Variants in AFF1 observed in about 807,000 individuals in gnomAD.
AFF1 encodes ALF transcription elongation factor 1.
In AFF1, 48 loss-of-function variants were observed where a neutral mutation model predicts 121.7. The observed-to-expected ratio is 0.39, with a 90% CI of 0.31 to 0.50. The LOEUF (loss-of-function observed/expected upper bound fraction) is 0.50. AFF1 is among the 20% of genes least tolerant of loss of function. The probability of loss-of-function intolerance (pLI) is 0.76; values close to 1 mark genes in which losing one functional copy is unlikely to be tolerated. For synonymous variants in AFF1, 613 were observed against 563.0 expected, an observed-to-expected ratio of 1.09 and a Z score of -1.26; for missense variants, 1,523 against 1,511.7, an observed-to-expected ratio of 1.01 and a Z score of -0.12.
Position 87,139,973 on chromosome 4 carries a change from AAATGACAT to A in AFF1, c.*4273_*4280del, listed in dbSNP as rs1729593612. On this transcript the variant is annotated 3_prime_UTR_variant, in exon 21 of 21. Transcript: ENST00000395146. ...CTATAAATTTCTTACTGTCAGGAGG[AAATGACAT>A]TATATTCTGTTCCACTGAACGTCAG... is the stretch of plus-strand genomic sequence containing the variant. 1 of 211,738 alleles carries A rather than the reference AAATGACAT, an allele frequency of 4.7e-6. No individual in the cohort carries two copies. The highest frequency in any genetic ancestry group is 5.9e-5 in the Admixed American group (1 of 17,000). The allele number at this position is 211,738 out of a possible 1,614,324, so 13.1% of individuals were successfully genotyped here.
chr4:86,956,867 C>T (rs1428951906), intron 2 of AFF1, among the ~76,000 whole-genome samples: 2 of 152,092 alleles, frequency 1.3e-5, no homozygotes, highest in East Asian at 3.8e-4. Flanking sequence ...GAGCAATGTT[C>T]CACATATGTT....
intron 11 of AFF1, among the ~76,000 whole-genome samples, chr4:87,111,950 A>C (rs764035288): frequency 1.3e-5 from 2 of 152,212 alleles, no homozygotes. Flanking sequence ...TTGGGGGGGA[A>C]ACCAGATGTT....
intron 2 of AFF1, among the ~76,000 whole-genome samples, chr4:87,031,317 C>G (rs1354204743): frequency 6.6e-6 from 1 of 152,226 alleles, no homozygotes; most frequent in East Asian, 1.9e-4. Context: ...ATTCAAGATT[C>G]AGCTCAGATG....
At chr4:87,108,059 C>CTAAA in intron 10 of AFF1, 100 bp from the exon 11 acceptor site, 1 of 1,364,400 alleles carries the variant, frequency 7.3e-7, no homozygotes, top group Non-Finnish European at 1.0e-6. Context: ...TATCTAATAC[C>CTAAA]AAGGCCCGCC....
rs1726973980 is a variant in AFF1 at position 87,115,183 on chromosome 4, C to T, written c.2350C>T (p.Pro784Ser). Residue 784 changes from proline to serine, a missense_variant, in exon 12 of 21, where the codon CCC (proline) becomes TCC (serine). Pro to Ser is a moderately conservative substitution (Grantham distance 74). Around this residue, in one of 5 missense-constraint regions of AFF1, gnomAD observed 905 missense variants for 842.5 expected, o/e 1.07. Transcript: ENST00000395146. ...LDLLSRIPQP[P>S]GKGSRQRKAE... ...CCTGCTCTCTCGGATACCCCAGCCTCCCGGGAAGGGGAGCCGCCAGAGGAA... is the reference window on the plus strand; with the variant it reads ...CCTGCTCTCTCGGATACCCCAGCCTTCCGGGAAGGGGAGCCGCCAGAGGAA... 2 of 1,614,206 alleles carry T rather than the reference C, an allele frequency of 1.2e-6. No homozygotes were observed. The highest frequency in any genetic ancestry group is 1.7e-6 in the Non-Finnish European group (2 of 1,180,048).
chr4:87,059,884 G>C (rs1254222333), intron 4 of AFF1, among the ~76,000 whole-genome samples: 2 of 152,196 alleles, frequency 1.3e-5, no homozygotes, highest in Non-Finnish European at 2.9e-5. Context: ...TCATATGCTT[G>C]TTTGTCCTTT....
intron 2 of AFF1, among the ~76,000 whole-genome samples, chr4:86,969,283 T>TGGTGAAA (rs1429536867): frequency 6.7e-6 from 1 of 150,174 alleles, no homozygotes; most frequent in East Asian, 2.0e-4. Flanking sequence ...TCAAGACCCA[T>TGGTGAAA]CCTGGCTAAC....
intron 2 of AFF1, among the ~76,000 whole-genome samples, chr4:87,022,678 G>GC (rs372833260): frequency 3.3e-3 from 51 of 15,264 alleles, no homozygotes; most frequent in Middle Eastern, 0.042. Flanking sequence ...GTATATATAT[G>GC]TGTGTGTATG....
intron 4 of AFF1, among the ~76,000 whole-genome samples, chr4:87,054,345 ATGGATGGGGC>A (rs1377895032): frequency 1.3e-5 from 2 of 152,168 alleles, no homozygotes; most frequent in Non-Finnish European, 2.9e-5. Flanking sequence ...CACTGAACTG[ATGGATGGGGC>A]TTTCATTCCT....
chr4:86,952,055 C>A (rs1027851239), intron 2 of AFF1, among the ~76,000 whole-genome samples: 10 of 151,400 alleles, frequency 6.6e-5, no homozygotes, highest in African/African-American at 2.2e-4. Context: ...GTTGGGCTGT[C>A]TTTTGCTCCA....
chr4:87,002,042 T>C (rs978682283), intron 2 of AFF1, among the ~76,000 whole-genome samples: 9 of 152,208 alleles, frequency 5.9e-5, no homozygotes, highest in African/African-American at 2.2e-4. Context: ...AATGCATACA[T>C]TGAATGAGGT....
At chr4:87,032,090 C>T (rs575874120) in intron 2 of AFF1, among the ~76,000 whole-genome samples, 21 of 152,290 alleles carry the variant, frequency 1.4e-4, no homozygotes, top group South Asian at 1.2e-3. Flanking sequence ...GCTCACAACA[C>T]GGCTTAGCAG....
rs1188976611 is a variant in AFF1, at chr4:87,135,722, A to C, written c.*21A>C. The C allele has an allele frequency of 1.2e-6, 2 of 1,604,144 alleles. No individual in the cohort carries two copies. Among genetic ancestry groups the C allele is most frequent in the South Asian group, 2.3e-5 (2 of 88,728 alleles). ...CTTAATGGAGCCCCAGGTTGATTCA[A>C]TGCCTTGGGAACTATTTTTGCACAT... On this transcript the variant is annotated 3_prime_UTR_variant, in exon 21 of 21. Transcript: ENST00000395146.
At chr4:87,108,016 C>T in intron 10 of AFF1, 143 bp from the exon 11 acceptor site, 2 of 801,114 alleles carry the variant, frequency 2.5e-6, no homozygotes, top group Non-Finnish European at 3.6e-6. Flanking sequence ...CTTTGGGCCT[C>T]TCTCAGTTGG....
intron 4 of AFF1, among the ~76,000 whole-genome samples, chr4:87,072,018 G>A (rs906779911): frequency 4.6e-5 from 7 of 152,034 alleles, no homozygotes; most frequent in Admixed American, 6.6e-5. Context: ...AGAGGCAGAC[G>A]ATGAGAGAAA....
At chr4:87,112,377 A>G (rs1313670462) in intron 11 of AFF1, among the ~76,000 whole-genome samples, 1 of 152,256 alleles carries the variant, frequency 6.6e-6, no homozygotes, top group Non-Finnish European at 1.5e-5. Flanking sequence ...TACAGTTGAC[A>G]TAAGCGAAGG....
intron 16 of AFF1, among the ~76,000 whole-genome samples, chr4:87,128,693 C>T (rs562931030): frequency 6.6e-6 from 1 of 152,344 alleles, no homozygotes; most frequent in East Asian, 1.9e-4. Flanking sequence ...TATCTCTTCT[C>T]AGACTCTTTC....
intron 8 of AFF1, 80 bp from the exon 9 acceptor site, chr4:87,105,548 C>G: frequency 1.4e-5 from 21 of 1,476,596 alleles, no homozygotes; most frequent in Non-Finnish European, 2.0e-5. Context: ...TTTAATTAGG[C>G]ATATTTTCTA....
At chr4:87,097,192 G>C (rs528713347) in intron 8 of AFF1, among the ~76,000 whole-genome samples, 34 of 152,296 alleles carry the variant, frequency 2.2e-4, no homozygotes, top group Non-Finnish European at 4.4e-4. Flanking sequence ...TTAAAGCCTG[G>C]GTATCCCAAC....
Sources: allele counts gnomAD v4.1 joint callset (sites outside exome capture counted in the v4.1 genomes callset), GRCh38; gene constraint gnomAD v4.1.1; regional missense constraint gnomAD v4.1.1; transcripts MANE v1.5; gene names NCBI Gene and HGNC (gene_info 2026-07-23, HGNC 2026-07-21).